Variants in GYPE observed in about 807,000 individuals in gnomAD.
GYPE encodes the protein glycophorin E (MNS blood group), also known as glycophorin-E.
GYPE carries 8 observed loss-of-function variants against 11.6 expected under a neutral mutation model. That is an observed-to-expected ratio of 0.69 (90% CI 0.41 to 1.25). The LOEUF is 1.25. Among genes scored for constraint, GYPE ranks in the 50% most tolerant of loss-of-function variants. GYPE has a pLI of 0.01. For synonymous variants in GYPE, 28 were observed against 29.6 expected, an observed-to-expected ratio of 0.94 and a Z score of 0.18; for missense variants, 90 against 92.8, an observed-to-expected ratio of 0.97 and a Z score of 0.12.
chr4:143,892,250 C>CA (rs1316239017), intron 1 of GYPE, among the ~76,000 whole-genome samples: 1 of 151,892 alleles, frequency 6.6e-6, no homozygotes, highest in African/African-American at 2.4e-5. Context: ...TTGATCTTTT[C>CA]AAAAAACCAG....
At chr4:143,894,679 G>C (rs564995645) in intron 1 of GYPE, among the ~76,000 whole-genome samples, 1 of 152,204 alleles carries the variant, frequency 6.6e-6, no homozygotes, top group Non-Finnish European at 1.5e-5. Flanking sequence ...CCTGGTACCA[G>C]AGCCGGGCAG....
rs1271737877 is a variant in GYPE, at chr4:143,873,020, G to T, written c.*10-768C>A. Among the ~76,000 whole-genome samples, 3 of 152,060 alleles carry T rather than the reference G, an allele frequency of 2.0e-5. No individual in the cohort carries two copies. In the East Asian group the frequency reaches 5.8e-4, roughly 29 times the overall value. On this transcript the variant is annotated intron_variant, in intron 3 of 3. Coordinates refer to ENST00000358615, the MANE Select transcript of GYPE (RefSeq NM_198682.3). Reference sequence around the variant, plus strand: ...AGTAGGAGAAATACATGATCTAATTGATAGTTTGAAAAAATTGCTCTGTGA... The same window carrying T: ...AGTAGGAGAAATACATGATCTAATTTATAGTTTGAAAAAATTGCTCTGTGA...
chr4:143,875,645 G>T, intron 3 of GYPE: 1 of 1,385,960 alleles, frequency 7.2e-7, no homozygotes, highest in African/African-American at 1.4e-5. Context: ...GGGTACCTAG[G>T]GGTGTTGCCA....
intron 1 of GYPE, among the ~76,000 whole-genome samples, chr4:143,895,174 C>G (rs377684684): frequency 5.9e-5 from 9 of 152,060 alleles, no homozygotes; most frequent in South Asian, 4.2e-4. Context: ...GGCAGGAGAA[C>G]GAAATAAAGG....
chr4:143,883,848 A>C (rs1744150325), intron 1 of GYPE, among the ~76,000 whole-genome samples: 1 of 152,026 alleles, frequency 6.6e-6, no homozygotes, highest in East Asian at 1.9e-4. Context: ...AAAAGTAAAA[A>C]ATAAAAATAC....
Position 143,871,200 on chromosome 4 carries a change from T to C in GYPE, c.*1062A>G, listed in dbSNP as rs1337299488. ...GAACACAGCCAAACCATATCAGTCA[T>C]TCCACATATTGAGTGATTTCTCTCT... On this transcript the variant is annotated 3_prime_UTR_variant, in exon 4 of 4. Coordinates refer to ENST00000358615, the MANE Select transcript of GYPE (RefSeq NM_198682.3). 5 of 151,954 alleles carry C rather than the reference T, an allele frequency of 3.3e-5. No homozygotes were observed. Among genetic ancestry groups the C allele is most frequent in the Non-Finnish European group, 7.4e-5 (5 of 68,024 alleles). 9.4% of individuals were successfully genotyped at this position (151,954 alleles called of 1,614,324 possible). A position where few individuals can be genotyped will look rare whatever the true frequency, so the allele number is the denominator to read the frequency against.
At chr4:143,879,891 G>T (rs1743956394) in intron 2 of GYPE, among the ~76,000 whole-genome samples, 1 of 152,096 alleles carries the variant, frequency 6.6e-6, no homozygotes, top group East Asian at 1.9e-4. Flanking sequence ...TTTGCTTATT[G>T]TTTATCAGTC....
intron 2 of GYPE, 100 bp downstream of exon 2, chr4:143,880,311 G>C (rs1743973331): frequency 6.3e-6 from 10 of 1,585,486 alleles, no homozygotes; most frequent in Non-Finnish European, 8.6e-6. Flanking sequence ...GCATTTCTCA[G>C]TGTTTGTCAG....
At chr4:143,905,349 G>A (rs1211172555) in intron 1 of GYPE, 122 bp downstream of exon 1, 13 of 1,483,876 alleles carry the variant, frequency 8.8e-6, no homozygotes, top group Non-Finnish European at 1.2e-5. Flanking sequence ...CACCAGACTG[G>A]AAGAGGAAAT....
intron 2 of GYPE, among the ~76,000 whole-genome samples, chr4:143,878,382 A>C (rs1430376055): frequency 6.6e-6 from 1 of 152,226 alleles, no homozygotes; most frequent in African/African-American, 2.4e-5. Flanking sequence ...GCGATTAGCC[A>C]GGCTTGGCCT....
chr4:143,877,603 C>G (rs1324199089), intron 2 of GYPE, among the ~76,000 whole-genome samples: 1 of 152,128 alleles, frequency 6.6e-6, no homozygotes, highest in Admixed American at 6.6e-5. Context: ...GGTAAAATGG[C>G]TCATTTATTT....
rs1353313075 is a variant in GYPE, at chr4:143,870,913, T to G, written c.*1349A>C. 6.6e-6 allele frequency: 1 copy of G among 152,144 alleles called. No individual in the cohort carries two copies. Among genetic ancestry groups the G allele is most frequent in the East Asian group, 1.9e-4 (1 of 5,188 alleles). 9.4% of individuals were successfully genotyped at this position (152,144 alleles called of 1,614,324 possible). A position where few individuals can be genotyped will look rare whatever the true frequency, so the allele number is the denominator to read the frequency against. ...TTATTGATCTACAGTTTTGCATGGC[T>G]GGGAAGGTCTCAGGATACTTACAAT... On this transcript the variant is annotated 3_prime_UTR_variant, in exon 4 of 4. Transcript: ENST00000358615.
At chr4:143,875,306 A>G in intron 3 of GYPE, 3 of 667,104 alleles carry the variant, frequency 4.5e-6, no homozygotes, top group East Asian at 2.8e-5. Flanking sequence ...TGACTATACT[A>G]CATGCAAATA....
At chr4:143,888,524 A>T (rs1744291527) in intron 1 of GYPE, among the ~76,000 whole-genome samples, 1 of 148,038 alleles carries the variant, frequency 6.8e-6, no homozygotes, top group African/African-American at 2.5e-5. Context: ...TGACCATGAA[A>T]ACTACTTGAT....
At chr4:143,873,574 A>T (rs397833853) in intron 3 of GYPE, 2 of 408,866 alleles carry the variant, frequency 4.9e-6, no homozygotes, top group South Asian at 3.7e-5. Context: ...ATGCTCTGAT[A>T]GCATTTGACA....
chr4:143,880,893 G>A (rs1743998885), intron 1 of GYPE, among the ~76,000 whole-genome samples: 1 of 151,810 alleles, frequency 6.6e-6, no homozygotes, highest in African/African-American at 2.4e-5. Context: ...CACATAAAGA[G>A]CATTACATGT....
At chr4:143,894,027 C>G (rs1388344275) in intron 1 of GYPE, among the ~76,000 whole-genome samples, 1 of 152,106 alleles carries the variant, frequency 6.6e-6, no homozygotes, top group Non-Finnish European at 1.5e-5. Flanking sequence ...TCTTTTTTCT[C>G]TAAACTTCCC....
chr4:143,875,989 A>T (rs1289714246), intron 3 of GYPE, among the ~76,000 whole-genome samples: 8 of 151,814 alleles, frequency 5.3e-5, no homozygotes, highest in South Asian at 2.1e-4. Context: ...AAAAAAAAAT[A>T]AAAAAAGCAT....
At chr4:143,899,319 G>A (rs936527200) in intron 1 of GYPE, among the ~76,000 whole-genome samples, 10 of 152,194 alleles carry the variant, frequency 6.6e-5, no homozygotes, top group South Asian at 4.2e-4. Context: ...GGCTCAAACT[G>A]ATTCCTCTAG....
Sources: allele counts gnomAD v4.1 joint callset (sites outside exome capture counted in the v4.1 genomes callset), GRCh38; gene constraint gnomAD v4.1.1; transcripts MANE v1.5; gene names NCBI Gene and HGNC (gene_info 2026-07-23, HGNC 2026-07-21).